Variants in WWOX observed in about 807,000 individuals in gnomAD.
WWOX encodes the protein WW domain containing oxidoreductase.
In WWOX, 69 loss-of-function variants were observed where a neutral mutation model predicts 46.2. The ratio of observed to expected loss-of-function variants is 1.49; its 90% CI spans 1.23 to 1.82. The LOEUF (loss-of-function observed/expected upper bound fraction) is 1.82. WWOX is among the 40% of genes most tolerant of loss of function. WWOX has a pLI of 0.00. For synonymous variants in WWOX, 359 were observed against 202.6 expected, an observed-to-expected ratio of 1.77 and a Z score of -6.56; for missense variants, 919 against 542.6, an observed-to-expected ratio of 1.69 and a Z score of -6.89.
chr16:79,138,388 T>C (rs146025645), intron 8 of WWOX, among the ~76,000 whole-genome samples: 85 of 152,342 alleles, frequency 5.6e-4, no homozygotes, highest in African/African-American at 2.0e-3. Context: ...GCCCAGTGCC[T>C]TCCCCATTTG....
At chr16:78,685,601 C>T (rs1310149674) in intron 8 of WWOX, among the ~76,000 whole-genome samples, 3 of 152,220 alleles carry the variant, frequency 2.0e-5, no homozygotes, top group South Asian at 2.1e-4. Context: ...CATAACTGTT[C>T]TGTGTATATT....
intron 8 of WWOX, among the ~76,000 whole-genome samples, chr16:78,613,471 C>G (rs1238368143): frequency 6.6e-6 from 1 of 152,168 alleles, no homozygotes; most frequent in African/African-American, 2.4e-5. Flanking sequence ...GGCAGAATCG[C>G]TGTCCTGCCA....
At chr16:78,992,243 C>G (rs1478221340) in intron 8 of WWOX, among the ~76,000 whole-genome samples, 2 of 152,178 alleles carry the variant, frequency 1.3e-5, no homozygotes, top group African/African-American at 4.8e-5. Context: ...GTCACCCCTT[C>G]TGTAAGACCA....
chr16:79,153,538 G>T (rs1437889636), intron 8 of WWOX, among the ~76,000 whole-genome samples: 2 of 152,028 alleles, frequency 1.3e-5, no homozygotes, highest in Admixed American at 1.3e-4. Context: ...GTGGAAATTC[G>T]GACTGTGGAT....
At chr16:78,578,927 T>G (rs940217137) in intron 8 of WWOX, among the ~76,000 whole-genome samples, 1 of 152,208 alleles carries the variant, frequency 6.6e-6, no homozygotes, top group African/African-American at 2.4e-5. Flanking sequence ...GTAGCTTTGT[T>G]GATTGTTGAT....
At chr16:79,157,549 A>G (rs536203188) in intron 8 of WWOX, among the ~76,000 whole-genome samples, 170 of 152,302 alleles carry the variant, frequency 1.1e-3, no homozygotes, top group Middle Eastern at 6.8e-3. Context: ...GTGGAACCTC[A>G]GTAATCAGTA....
chr16:78,455,904 A>T (rs2083806369), intron 8 of WWOX, among the ~76,000 whole-genome samples: 1 of 152,106 alleles, frequency 6.6e-6, no homozygotes, highest in Non-Finnish European at 1.5e-5. Flanking sequence ...TATTTTAACT[A>T]GTATTTGTGT....
chr16:78,892,695 C>T (rs529741079), intron 8 of WWOX, among the ~76,000 whole-genome samples: 1 of 152,206 alleles, frequency 6.6e-6, no homozygotes, highest in African/African-American at 2.4e-5. Flanking sequence ...GATCCATTGT[C>T]TTTTGGGCAG....
intron 8 of WWOX, among the ~76,000 whole-genome samples, chr16:78,582,119 C>T (rs1275655197): frequency 2.0e-5 from 3 of 152,152 alleles, no homozygotes; most frequent in African/African-American, 7.2e-5. Context: ...CACTCATTAT[C>T]TATGGGTTTA....
At chr16:78,803,969 C>T (rs527864726) in intron 8 of WWOX, among the ~76,000 whole-genome samples, 12 of 152,120 alleles carry the variant, frequency 7.9e-5, no homozygotes, top group East Asian at 1.9e-4. Context: ...AGAAGGAAGG[C>T]GCCCCTCCTT....
At chr16:78,827,434 C>G (rs998738853) in intron 8 of WWOX, among the ~76,000 whole-genome samples, 12 of 145,670 alleles carry the variant, frequency 8.2e-5, no homozygotes, top group African/African-American at 2.8e-4. Flanking sequence ...GGTGTGTAGT[C>G]TCGAAGGCTG....
intron 8 of WWOX, among the ~76,000 whole-genome samples, chr16:78,939,748 C>T (rs1474833413): frequency 6.6e-6 from 1 of 152,152 alleles, no homozygotes; most frequent in Non-Finnish European, 1.5e-5. Flanking sequence ...CTGGGTAACC[C>T]AGCCCCTTTT....
chr16:78,938,528 C>A (rs1341945130), intron 8 of WWOX, among the ~76,000 whole-genome samples: 4 of 151,746 alleles, frequency 2.6e-5, no homozygotes, highest in African/African-American at 9.7e-5. Flanking sequence ...TGACCTGTCC[C>A]GTCGGTATTA....
intron 8 of WWOX, among the ~76,000 whole-genome samples, chr16:79,078,902 C>T (rs1358691548): frequency 6.6e-6 from 1 of 152,132 alleles, no homozygotes; most frequent in Non-Finnish European, 1.5e-5. Context: ...ATAAATACTT[C>T]CTTTATTTCC....
chr16:78,184,849 G>A (rs193026295), intron 5 of WWOX, among the ~76,000 whole-genome samples: 3 of 152,290 alleles, frequency 2.0e-5, no homozygotes, highest in Admixed American at 2.0e-4. Context: ...TATGTGTTGG[G>A]ACAGTCTAAG....
intron 8 of WWOX, among the ~76,000 whole-genome samples, chr16:78,820,451 A>G (rs1486193005): frequency 2.0e-5 from 3 of 152,154 alleles, no homozygotes; most frequent in East Asian, 1.9e-4. Context: ...TTAAATAAAA[A>G]TCTTTCTTAC....
intron 8 of WWOX, among the ~76,000 whole-genome samples, chr16:78,877,257 C>G (rs2044252311): frequency 6.6e-6 from 1 of 151,416 alleles, no homozygotes; most frequent in Non-Finnish European, 1.5e-5. Context: ...GACACCAAAC[C>G]CTCTGTATGC....
intron 8 of WWOX, chr16:78,891,211 C>T (rs2044583479): frequency 6.6e-6 from 1 of 152,140 alleles, no homozygotes; most frequent in Non-Finnish European, 1.5e-5. Flanking sequence ...TTGTCTCAGT[C>T]CCATCTGATA....
At position 78,862,266 on chromosome 16, in the gene WWOX, A is replaced by G. The variant is rs537133702; in HGVS notation, c.1057-349342A>G. On this transcript the variant is annotated intron_variant, in intron 8 of 8. Coordinates refer to ENST00000566780, the MANE Select transcript of WWOX (RefSeq NM_016373.4). ...CCTATGGGTGTGTCTGTCTGTACCT[A>G]TACACACCTATGGGTGTGTCTTTCT... is the stretch of plus-strand genomic sequence containing the variant. Among the ~76,000 whole-genome samples the G allele has an allele frequency of 8.1e-4, 122 of 151,348 alleles. 5 individuals carry two copies. In the South Asian group the frequency reaches 0.024, roughly 30 times the overall value.
Sources: allele counts gnomAD v4.1 joint callset (sites outside exome capture counted in the v4.1 genomes callset), GRCh38; gene constraint gnomAD v4.1.1; transcripts MANE v1.5; gene names NCBI Gene and HGNC (gene_info 2026-07-23, HGNC 2026-07-21).